The following TSPEAR variants were observed in gnomAD, a reference collection of about 807,000 sequenced individuals.
The protein encoded by TSPEAR is thrombospondin-type laminin G domain and EAR repeat-containing protein.
Under a neutral mutation model 71.6 loss-of-function variants are expected in TSPEAR, and 69 were observed. The observed-to-expected ratio is 0.96, with a 90% confidence interval of 0.79 to 1.18. TSPEAR has a LOEUF of 1.18. Among genes scored for constraint, TSPEAR ranks in the 50% most tolerant of loss-of-function variants. TSPEAR has a pLI of 0.00. For synonymous variants in TSPEAR, 402 were observed against 387.2 expected, an observed-to-expected ratio of 1.04 and a Z score of -0.45; for missense variants, 971 against 894.9, an observed-to-expected ratio of 1.09 and a Z score of -1.09.
rs782011268 is a variant in TSPEAR at position 44,627,347 on chromosome 21, A to G, written c.83-59342T>C. 6 of 1,613,284 alleles carry G rather than the reference A, an allele frequency of 3.7e-6. No homozygotes were observed. In the African/African-American group the frequency reaches 4.0e-5, roughly 11 times the overall value. On this transcript the variant is annotated intron_variant, in intron 1 of 11. Transcript: ENST00000323084. ...AGCCGTGTATCCAGCCCCTGCTGCC[A>G]GGTGACCTGTGAGCCCAGCCCCTGC...
chr21:44,614,799 G>A (rs1423846153), intron 1 of TSPEAR, among the ~76,000 whole-genome samples: 1 of 152,248 alleles, frequency 6.6e-6, no homozygotes, highest in African/African-American at 2.4e-5. Context: ...AAGCCACGGT[G>A]TGTGAGAAGA....
rs116004561 is a variant in TSPEAR, at chr21:44,532,670, G to A, written c.542+1015C>T. On this transcript the variant is annotated intron_variant, in intron 3 of 11. Transcript: ENST00000323084. The stretch of plus-strand genomic sequence containing the variant: ...AGATTTAATATAAACTGGATCATTT[G>A]CAATTAAAAAGACAGAAGCGCAGCC... Among the ~76,000 whole-genome samples the A allele has an allele frequency of 5.1e-3, 774 of 152,316 alleles. 9 individuals are homozygous for A. The highest frequency in any genetic ancestry group is 0.017 in the African/African-American group (697 of 41,570).
intron 1 of TSPEAR, among the ~76,000 whole-genome samples, chr21:44,581,105 C>T (rs1555925083): frequency 6.6e-6 from 1 of 152,122 alleles, no homozygotes; most frequent in Non-Finnish European, 1.5e-5. Context: ...TCTCTTCAAC[C>T]CCTTGTGCCT....
chr21:44,647,558 T>C (rs1341871272), intron 1 of TSPEAR: 1 of 657,810 alleles, frequency 1.5e-6, no homozygotes, highest in Admixed American at 3.0e-5. Flanking sequence ...AGGTGGACTG[T>C]GGCTTTCTGG....
At chr21:44,515,479 CTCTGA>C (rs1414000889) in intron 9 of TSPEAR, 1 of 152,346 alleles carries the variant, frequency 6.6e-6, no homozygotes, top group Non-Finnish European at 1.5e-5. Flanking sequence ...CCCTGCTCTT[CTCTGA>C]TGTTTCTTTC....
intron 1 of TSPEAR, chr21:44,697,033 C>T: frequency 2.0e-6 from 2 of 981,032 alleles, no homozygotes; most frequent in South Asian, 1.7e-5. Context: ...GACGCTCACT[C>T]ACTCCCTCCC....
At position 44,567,829 on chromosome 21, in the gene TSPEAR, AT is replaced by A; in HGVS notation, c.258del (p.Glu86AspfsTer6). 6.2e-7 allele frequency: 1 copy of A among 1,601,682 alleles called. No homozygotes were observed. The highest frequency in any genetic ancestry group is 2.2e-5 in the East Asian group (1 of 44,608). The part of the protein sequence containing the change: ...IFSQCDLFPE[E>X]FSIVVTLRVP... ...ACTCTCAAAGTTACGACGATGGAAA[AT>A]TCTTCAGGGAAGAGGTCACACTGGG... On this transcript the variant is annotated frameshift_variant, in exon 2 of 12. Coordinates refer to ENST00000323084, the MANE Select transcript of TSPEAR (RefSeq NM_144991.3). LOFTEE classifies it high-confidence loss of function.
intron 1 of TSPEAR, among the ~76,000 whole-genome samples, chr21:44,660,387 A>G (rs1555943391): frequency 1.3e-5 from 2 of 152,358 alleles, no homozygotes; most frequent in African/African-American, 2.4e-5. Flanking sequence ...GAAAGCATCA[A>G]TATTTTAAAA....
At chr21:44,683,235 C>A (rs1213376327) in intron 1 of TSPEAR, among the ~76,000 whole-genome samples, 1 of 151,604 alleles carries the variant, frequency 6.6e-6, no homozygotes. Context: ...AGAGATCCAC[C>A]CTAGCAAAGT....
chr21:44,524,081 A>G (rs2052794672), intron 8 of TSPEAR, among the ~76,000 whole-genome samples: 1 of 151,466 alleles, frequency 6.6e-6, no homozygotes, highest in Non-Finnish European at 1.5e-5. Context: ...GTAGTTAGGC[A>G]ATCAGTCAAT....
chr21:44,600,321 T>C (rs1310497418), intron 1 of TSPEAR, among the ~76,000 whole-genome samples: 1 of 152,114 alleles, frequency 6.6e-6, no homozygotes, highest in African/African-American at 2.4e-5. Context: ...CCCTGTCTAC[T>C]TCAATATTAT....
At chr21:44,600,147 T>C (rs1400094577) in intron 1 of TSPEAR, among the ~76,000 whole-genome samples, 1 of 152,080 alleles carries the variant, frequency 6.6e-6, no homozygotes, top group East Asian at 1.9e-4. Flanking sequence ...TCCACCCTCA[T>C]GCCATCATTG....
intron 2 of TSPEAR, chr21:44,540,149 A>G: frequency 6.2e-7 from 1 of 1,612,440 alleles, no homozygotes; most frequent in Non-Finnish European, 8.5e-7. Flanking sequence ...GGACGCGGCC[A>G]TGCTGGGGTG....
At chr21:44,616,095 C>T (rs1309598146) in intron 1 of TSPEAR, among the ~76,000 whole-genome samples, 4 of 152,140 alleles carry the variant, frequency 2.6e-5, no homozygotes, top group African/African-American at 4.8e-5. Flanking sequence ...CAGAGTGCAG[C>T]GTGTCGGCGG....
At chr21:44,585,100 G>GT (rs1482631203) in intron 1 of TSPEAR, among the ~76,000 whole-genome samples, 2 of 152,162 alleles carry the variant, frequency 1.3e-5, no homozygotes, top group Admixed American at 1.3e-4. Context: ...AAAAGAGGGG[G>GT]TCGTGCTCCT....
At chr21:44,702,203 G>C in intron 1 of TSPEAR, 4 of 1,564,606 alleles carry the variant, frequency 2.6e-6, no homozygotes, top group Non-Finnish European at 3.5e-6. Flanking sequence ...AGCTCCAGAG[G>C]AACAAAGGGG....
intron 2 of TSPEAR, among the ~76,000 whole-genome samples, chr21:44,565,133 A>G (rs1169650602): frequency 6.6e-6 from 1 of 152,166 alleles, no homozygotes; most frequent in African/African-American, 2.4e-5. Flanking sequence ...GAGATGCAGC[A>G]AAAGTATTGC....
chr21:44,534,192 TGAGGG>T (rs1555916122), intron 2 of TSPEAR, among the ~76,000 whole-genome samples: 1 of 21,330 alleles, frequency 4.7e-5, no homozygotes, highest in African/African-American at 2.5e-4. Context: ...GGCTGGTGTG[TGAGGG>T]GTGGGGCTTG....
At chr21:44,703,196 G>T (rs1390513629) in intron 1 of TSPEAR, among the ~76,000 whole-genome samples, 1 of 152,144 alleles carries the variant, frequency 6.6e-6, no homozygotes, top group African/African-American at 2.4e-5. Flanking sequence ...TTCTTTCTCG[G>T]GCCCTCTATG....
Sources: gnomAD v4.1 joint callset for allele counts (sites outside exome capture counted in the v4.1 genomes callset) on GRCh38, gnomAD v4.1.1 for gene constraint, MANE v1.5 for transcripts, NCBI Gene and HGNC (gene_info 2026-07-23, HGNC 2026-07-21) for gene names.